Variants in MACF1 observed in about 807,000 individuals in gnomAD.
MACF1 encodes the protein microtubule-actin cross-linking factor 1.
A neutral mutation model predicts 854.8 loss-of-function variants in MACF1; 193 were observed. That is an observed-to-expected ratio of 0.23 (90% CI 0.20 to 0.25). The LOEUF is 0.25. Among genes scored for constraint, MACF1 ranks in the 10% least tolerant of loss-of-function variants. MACF1 has a pLI of 1.00. For synonymous variants in MACF1, 3,185 were observed against 3,226.7 expected (o/e 0.99, Z 0.44); for missense variants, 7,722 against 8,929.1 (o/e 0.86, Z 5.45).
chr1:39,244,308 G>A (rs1456395790), intron 2 of MACF1, among the ~76,000 whole-genome samples: 1 of 151,862 alleles, frequency 6.6e-6, no homozygotes, highest in Non-Finnish European at 1.5e-5. Context: ...TTGAGGTGGA[G>A]TCGTGCACTG....
At chr1:39,120,087 T>C (rs937151414) in intron 2 of MACF1, among the ~76,000 whole-genome samples, 3 of 151,992 alleles carry the variant, frequency 2.0e-5, no homozygotes, top group African/African-American at 7.2e-5. Flanking sequence ...TTTCTCCATA[T>C]TGATGAGGCT....
In MACF1 at chr1:39,388,415, G is replaced by A. The variant is rs752721635; in HGVS notation, c.15573G>A (p.Gly5191=). The A allele has an allele frequency of 6.2e-7, 1 of 1,614,120 alleles. No homozygotes were observed. Among genetic ancestry groups the A allele is most frequent in the Non-Finnish European group, 8.5e-7 (1 of 1,180,010 alleles). Residue 5191 remains glycine (G), a synonymous_variant, in exon 58 of 101, where the codon GGG becomes GGA. Transcript: ENST00000564288. ...AECRHMLEEE[G]TLDLLGLKRE... ...GTCGACATATGCTAGAAGAAGAGGGGACTCTGGATTTGTTAGGTCTCAAAA... is the reference window on the plus strand; with the variant it reads ...GTCGACATATGCTAGAAGAAGAGGGAACTCTGGATTTGTTAGGTCTCAAAA...
chr1:39,477,959 C>CTT (rs1272562353), intron 97 of MACF1, among the ~76,000 whole-genome samples: 7 of 126,036 alleles, frequency 5.6e-5, no homozygotes, highest in Non-Finnish European at 1.2e-4. Context: ...CCTCTTATAT[C>CTT]TTTTTTTTTT....
chr1:39,299,192 T>A, intron 21 of MACF1: 1 of 456,144 alleles, frequency 2.2e-6, no homozygotes, highest in South Asian at 1.5e-5. Flanking sequence ...TATATTCCAT[T>A]CCTCTTTCTT....
chr1:39,171,085 G>A (rs141162530), intron 2 of MACF1, among the ~76,000 whole-genome samples: 5 of 152,146 alleles, frequency 3.3e-5, no homozygotes, highest in East Asian at 1.9e-4. Context: ...TTTTCCTTTC[G>A]TGATTTTTAT....
chr1:39,118,789 T>C (rs936453380), intron 2 of MACF1, among the ~76,000 whole-genome samples: 1 of 152,070 alleles, frequency 6.6e-6, no homozygotes, highest in African/African-American at 2.4e-5. Context: ...GCGCAGAAAA[T>C]AGTATTTGTT....
intron 99 of MACF1, 75 bp from the exon 100 acceptor site, chr1:39,484,525 AG>A: frequency 7.3e-7 from 1 of 1,367,442 alleles, no homozygotes; most frequent in Non-Finnish European, 1.0e-6. Context: ...AGGAGGTGTA[AG>A]GAGACCTTTT....
chr1:39,394,274 G>GATTTATTT (rs372020854), intron 58 of MACF1, among the ~76,000 whole-genome samples: 1 of 142,610 alleles, frequency 7.0e-6, no homozygotes. Flanking sequence ...TTGATTGATT[G>GATTTATTT]ATTTATTGCC....
intron 2 of MACF1, among the ~76,000 whole-genome samples, chr1:39,233,808 T>TTTTTTTTCA (rs755591226): frequency 1.5e-5 from 1 of 65,772 alleles, no homozygotes; most frequent in Non-Finnish European, 3.3e-5. Context: ...ATTTATTTTT[T>TTTTTTTTCA]ATTGATAATT....
rs199717931 is a variant in MACF1 at position 39,430,905 on chromosome 1, A to G, written c.17334A>G (p.Gln5778=). The G allele has an allele frequency of 1.2e-6, 2 of 1,611,612 alleles. No individual in the cohort carries two copies. Among genetic ancestry groups the G allele is most frequent in the Non-Finnish European group, 1.7e-6 (2 of 1,179,324 alleles). Residue 5778 remains glutamine (Q), a synonymous_variant, in exon 66 of 101, where the codon CAA becomes CAG. Coordinates refer to ENST00000564288, the MANE Select transcript of MACF1 (RefSeq NM_001394062.1). ...DEIDAAIQRS[Q]QYEQAADAEL... ...TTGATGCTGCTATTCAGAGATCACA[A>G]CAGGTAATGCTTATAATACCTCTGC... is the stretch of plus-strand genomic sequence containing the variant.
chr1:39,333,731 G>A lies in MACF1; in HGVS notation c.7143G>A (p.Leu2381=). Residue 2381 remains leucine, a synonymous_variant, in exon 37 of 101, where the codon CTG becomes CTA. Coordinates refer to ENST00000564288, the MANE Select transcript of MACF1 (RefSeq NM_001394062.1). ...SGVLDPRTQT[L]CSVKDAVTVG... ...TCTTAGACCCCCGTACCCAGACACT[G>A]TGCTCTGTAAAGGATGCAGTTACAG... 2 of 1,614,182 alleles carry A rather than the reference G, an allele frequency of 1.2e-6. No homozygotes were observed. The highest frequency in any genetic ancestry group is 1.7e-6 in the Non-Finnish European group (2 of 1,180,026).
chr1:39,455,029 A>C lies in MACF1; in HGVS notation c.21007A>C (p.Ile7003Leu), dbSNP rs1329919116. The change falls in exon 89 of 101, where the codon ATT becomes CTT. Residue 7003 changes from isoleucine to leucine, a missense_variant. This residue lies in a region of MACF1 where 729 missense variants were observed against 900.5 expected (regional missense o/e 0.81). Transcript: ENST00000564288. ...GATCCAGTGGGCTGAGACCACCCTC[A>C]TTCAGCGGGATCAGGAGCCAATCCC... ...AWIQWAETTLIQRDQEPIPQN... is the reference protein window; with the variant it reads ...AWIQWAETTLLQRDQEPIPQN... The C allele has an allele frequency of 1.2e-6, 2 of 1,613,970 alleles. No individual in the cohort carries two copies. The highest frequency in any genetic ancestry group is 3.3e-5 in the Admixed American group (2 of 59,994).
intron 44 of MACF1, among the ~76,000 whole-genome samples, chr1:39,356,218 C>T (rs1647550809): frequency 6.6e-6 from 1 of 152,138 alleles, no homozygotes; most frequent in African/African-American, 2.4e-5. Context: ...TGTATAAGCA[C>T]ATAGACACAG....
At chr1:39,264,985 TCTTTTGG>T (rs1645214039) in intron 6 of MACF1, among the ~76,000 whole-genome samples, 1 of 152,228 alleles carries the variant, frequency 6.6e-6, no homozygotes, top group African/African-American at 2.4e-5. Flanking sequence ...GGATTTCTTG[TCTTTTGG>T]CTTTGTCCAA....
In MACF1 at chr1:39,340,535, T is replaced by G. The variant is rs779687654; in HGVS notation, c.10249T>G (p.Leu3417Val). ...LERELKDLTT[L>V]VSQELECVNQ... Reference sequence around the variant, plus strand: ...AAGGGAGTTAAAGGATCTGACCACCTTGGTCAGTCAGGAGCTGGAGTGTGT... The same window carrying G: ...AAGGGAGTTAAAGGATCTGACCACCGTGGTCAGTCAGGAGCTGGAGTGTGT... The change falls in exon 39 of 101, where the codon TTG (leucine) becomes GTG (valine). Residue 3417 changes from leucine (L) to valine (V), a missense_variant. Leu to Val is a conservative substitution (Grantham distance 32, BLOSUM62 1). Coordinates refer to ENST00000564288, the MANE Select transcript of MACF1 (RefSeq NM_001394062.1). 5.0e-6 allele frequency: 8 copies of G among 1,613,932 alleles called. No homozygotes were observed. In the South Asian group the frequency reaches 8.8e-5, roughly 18 times the overall value.
intron 97 of MACF1, among the ~76,000 whole-genome samples, chr1:39,476,103 T>C (rs976113731): frequency 3.3e-5 from 5 of 152,310 alleles, no homozygotes; most frequent in African/African-American, 1.2e-4. Context: ...CATAGCACAA[T>C]AATTGGCCAG....
upstream of MACF1, among the ~76,000 whole-genome samples, chr1:39,203,676 A>C (rs993955851): frequency 2.0e-4 from 31 of 152,216 alleles, no homozygotes; most frequent in African/African-American, 7.0e-4. Context: ...CTAGAAAGTT[A>C]TATAAATGGA....
chr1:39,130,898 A>G (rs1048999877), intron 2 of MACF1, among the ~76,000 whole-genome samples: 3 of 151,008 alleles, frequency 2.0e-5, no homozygotes, highest in African/African-American at 7.3e-5. Flanking sequence ...CTGGAGTGCA[A>G]TGGTGTGATC....
chr1:39,145,132 C>A (rs1435319748), intron 2 of MACF1, among the ~76,000 whole-genome samples: 1 of 152,136 alleles, frequency 6.6e-6, no homozygotes, highest in Non-Finnish European at 1.5e-5. Flanking sequence ...CTGACTGACT[C>A]TATTACAGAT....
Sources: gnomAD v4.1 joint callset for allele counts (sites outside exome capture counted in the v4.1 genomes callset) on GRCh38, gnomAD v4.1.1 for gene constraint, gnomAD v4.1.1 regional missense constraint, MANE v1.5 for transcripts, NCBI Gene and HGNC (gene_info 2026-07-23, HGNC 2026-07-21) for gene names.